Variants in UTRN observed in about 807,000 individuals in gnomAD.
UTRN encodes dystrophin-related protein 1.
In UTRN, 283 loss-of-function variants were observed where a neutral mutation model predicts 463.9. The observed-to-expected ratio is 0.61, with a 90% confidence interval of 0.55 to 0.67. The LOEUF (loss-of-function observed/expected upper bound fraction) is 0.67. Ranked by LOEUF, UTRN falls within the 30% of genes least tolerant of loss-of-function variation. The probability of loss-of-function intolerance (pLI) is 0.00; values close to 1 mark genes in which losing one functional copy is unlikely to be tolerated. For missense variants in UTRN, 3,922 were observed against 4,084.3 expected (o/e 0.96, Z 1.08); for synonymous variants, 1,442 against 1,431.5 (o/e 1.01, Z -0.17).
intron 34 of UTRN, 23 bp downstream of exon 34, chr6:144,499,450 C>T: frequency 2.5e-6 from 4 of 1,576,314 alleles, no homozygotes; most frequent in Non-Finnish European, 3.5e-6. Flanking sequence ...TCAGATGAAA[C>T]ACCAGCATGA....
At chr6:144,635,989 G>T (rs1023184954) in intron 51 of UTRN, among the ~76,000 whole-genome samples, 8 of 151,804 alleles carry the variant, frequency 5.3e-5, no homozygotes, top group African/African-American at 1.9e-4. Context: ...CTGTATTTGG[G>T]TGTTTATTTA....
intron 62 of UTRN, among the ~76,000 whole-genome samples, chr6:144,789,727 A>G (rs1183122936): frequency 1.3e-5 from 2 of 152,202 alleles, no homozygotes; most frequent in African/African-American, 4.8e-5. Flanking sequence ...TATACTTCCA[A>G]TGCTTAAAAG....
At chr6:144,661,761 A>C (rs1779892393) in intron 51 of UTRN, among the ~76,000 whole-genome samples, 1 of 152,146 alleles carries the variant, frequency 6.6e-6, no homozygotes, top group African/African-American at 2.4e-5. Flanking sequence ...GGACTTTTGT[A>C]TTGTAATTGC....
intron 54 of UTRN, among the ~76,000 whole-genome samples, chr6:144,745,971 ATAAG>A (rs1790693857): frequency 6.6e-6 from 1 of 151,090 alleles, no homozygotes; most frequent in Non-Finnish European, 1.5e-5. Flanking sequence ...TATATACAAT[ATAAG>A]TATTATATAT....
At chr6:144,612,815 A>C (rs760041582) in intron 51 of UTRN, among the ~76,000 whole-genome samples, 8 of 152,110 alleles carry the variant, frequency 5.3e-5, no homozygotes, top group Non-Finnish European at 7.4e-5. Context: ...AAAGGTAAAA[A>C]TAGAAATACA....
intron 30 of UTRN, 30 bp downstream of exon 30, chr6:144,488,864 C>T: frequency 6.5e-7 from 1 of 1,538,254 alleles, no homozygotes; most frequent in African/African-American, 1.4e-5. Context: ...GGCTTTTGAG[C>T]TGTAAAGAGA....
chr6:144,406,356 C>CTTTTTTTTTTTTTTTTT (rs57721924), intron 3 of UTRN, among the ~76,000 whole-genome samples: 58 of 125,574 alleles, frequency 4.6e-4, no homozygotes, highest in African/African-American at 8.6e-4. Flanking sequence ...TTTTTCTTTT[C>CTTTTTTTTTTTTTTTTT]TTTTTTTTTT....
intron 13 of UTRN, 55 bp from the exon 14 acceptor site, chr6:144,444,226 G>A (rs1162243678): frequency 1.5e-5 from 21 of 1,355,418 alleles, no homozygotes; most frequent in Non-Finnish European, 2.0e-5. Context: ...TTCAAGGATT[G>A]TGATAACTCT....
rs1012314076 is a variant in UTRN at position 144,691,012 on chromosome 6, G to A, written c.7653-9075G>A. On this transcript the variant is annotated intron_variant, in intron 52 of 74. Coordinates refer to ENST00000367545, the MANE Select transcript of UTRN (RefSeq NM_007124.3). ...AGTATGAATCTTTACACACTATTTC[G>A]TCTTTCCAAGTGGAAGAAGCATGCT... Among the ~76,000 whole-genome samples the A allele has an allele frequency of 3.9e-5, 6 of 152,098 alleles. No homozygotes were observed. In the South Asian group the frequency reaches 6.2e-4, roughly 16 times the overall value.
rs1034583438 is a variant in UTRN at position 144,399,330 on chromosome 6, T to C, written c.80-3793T>C. 1.2e-4 allele frequency among the ~76,000 whole-genome samples: 19 copies of C among 152,324 alleles called. 1 individual carries two copies. In the East Asian group the frequency reaches 3.7e-3, roughly 29 times the overall value. ...ACTAAGTGTGAGTGGCAGAATTATATTGGGAGTGATTCACATGTAGGGCCC... is the reference window on the plus strand; with the variant it reads ...ACTAAGTGTGAGTGGCAGAATTATACTGGGAGTGATTCACATGTAGGGCCC... On this transcript the variant is annotated intron_variant, in intron 2 of 74. Transcript: ENST00000367545.
chr6:144,307,508 CATA>C (rs1349711654), intron 2 of UTRN, among the ~76,000 whole-genome samples: 8 of 152,170 alleles, frequency 5.3e-5, no homozygotes, highest in African/African-American at 1.7e-4. Flanking sequence ...GTTATGTCTT[CATA>C]ATGTTTCTTT....
chr6:144,777,096 T>A (rs570158405), intron 60 of UTRN, among the ~76,000 whole-genome samples: 168 of 152,304 alleles, frequency 1.1e-3, no homozygotes, highest in African/African-American at 3.8e-3. Context: ...TGTGTTCGTC[T>A]CTACTTAGGA....
chr6:144,706,282 G>C (rs1237168629), intron 53 of UTRN, among the ~76,000 whole-genome samples: 1 of 148,130 alleles, frequency 6.8e-6, no homozygotes, highest in South Asian at 2.1e-4. Context: ...ATATTCCATT[G>C]ATCAGGAAAA....
At chr6:144,551,138 C>G (rs1798873561) in intron 48 of UTRN, 56 bp downstream of exon 48, 1 of 230,002 alleles carries the variant, frequency 4.3e-6, no homozygotes, top group Non-Finnish European at 7.7e-6. Context: ...CAAATGGTGA[C>G]ACACACACAC....
intron 60 of UTRN, among the ~76,000 whole-genome samples, chr6:144,778,529 G>T (rs149856847): frequency 1.3e-5 from 2 of 152,042 alleles, no homozygotes; most frequent in East Asian, 1.9e-4. Flanking sequence ...AGGGCCTCAG[G>T]CTCACAGAAT....
chr6:144,690,451 G>C (rs1421391412), intron 52 of UTRN, among the ~76,000 whole-genome samples: 1 of 151,990 alleles, frequency 6.6e-6, no homozygotes, highest in African/African-American at 2.4e-5. Flanking sequence ...ACTCAAAACT[G>C]CCCCAGATCA....
intron 34 of UTRN, among the ~76,000 whole-genome samples, chr6:144,504,100 C>G (rs531899278): frequency 2.5e-4 from 38 of 152,274 alleles, no homozygotes; most frequent in African/African-American, 8.7e-4. Context: ...TATCCTGAGA[C>G]TTTGCTGAAA....
intron 52 of UTRN, among the ~76,000 whole-genome samples, chr6:144,691,145 C>A (rs1223686241): frequency 6.6e-6 from 1 of 152,158 alleles, no homozygotes; most frequent in East Asian, 1.9e-4. Context: ...GGAACAGAGT[C>A]TTGCTCTGCT....
intron 51 of UTRN, among the ~76,000 whole-genome samples, chr6:144,667,160 T>C (rs1184815958): frequency 6.6e-6 from 1 of 152,118 alleles, no homozygotes; most frequent in Non-Finnish European, 1.5e-5. Context: ...GCTCAAGTGA[T>C]TCTCCTGCCT....
Sources: allele counts gnomAD v4.1 joint callset (sites outside exome capture counted in the v4.1 genomes callset), GRCh38; gene constraint gnomAD v4.1.1; transcripts MANE v1.5; gene names NCBI Gene and HGNC (gene_info 2026-07-23, HGNC 2026-07-21).